The following ARHGAP21 variants were observed in gnomAD, a reference collection of about 807,000 sequenced individuals.
The protein encoded by ARHGAP21 is rho GTPase-activating protein 21.
In ARHGAP21, 38 loss-of-function variants were observed where a neutral mutation model predicts 164.6. That is an observed-to-expected ratio of 0.23 (90% CI 0.18 to 0.30). The LOEUF (loss-of-function observed/expected upper bound fraction) is 0.30. ARHGAP21 is among the 10% of genes least tolerant of loss of function. The probability of loss-of-function intolerance (pLI) is 1.00; values close to 1 mark genes in which losing one functional copy is unlikely to be tolerated. For synonymous variants in ARHGAP21, 766 were observed against 857.9 expected, an observed-to-expected ratio of 0.89 and a Z score of 1.87; for missense variants, 1,822 against 2,370.7, an observed-to-expected ratio of 0.77 and a Z score of 4.81.
At chr10:24,626,028 T>A (rs1565047304) in intron 7 of ARHGAP21, among the ~76,000 whole-genome samples, 1 of 152,150 alleles carries the variant, frequency 6.6e-6, no homozygotes, top group Non-Finnish European at 1.5e-5. Context: ...TTTGCTTTCT[T>A]CCTTATTATA....
chr10:24,684,964 T>C (rs1485740822), intron 2 of ARHGAP21, among the ~76,000 whole-genome samples: 1 of 152,152 alleles, frequency 6.6e-6, no homozygotes, highest in African/African-American at 2.4e-5. Context: ...AAATAATGAC[T>C]GATATTCGGA....
chr10:24,602,277 TATC>T (rs754720553), intron 12 of ARHGAP21, among the ~76,000 whole-genome samples, 174 bp from the exon 13 acceptor site: 1 of 152,326 alleles, frequency 6.6e-6, no homozygotes, highest in African/African-American at 2.4e-5. Context: ...AAATGTGAAT[TATC>T]ATTTTTTAAC....
In ARHGAP21 at chr10:24,595,620, A is replaced by G; in HGVS notation, c.3712+97T>C. On this transcript the variant is annotated intron_variant, in intron 19 of 25. Coordinates refer to ENST00000396432, the MANE Select transcript of ARHGAP21 (RefSeq NM_020824.4). Reference sequence around the variant, plus strand: ...TAAATAAAGCCTCCTGCTTCCTTTGACCAAGACATTTTGTCCTTGTTCAAT... The same window carrying G: ...TAAATAAAGCCTCCTGCTTCCTTTGGCCAAGACATTTTGTCCTTGTTCAAT... 3 of 1,272,658 alleles carry G rather than the reference A, an allele frequency of 2.4e-6. No individual in the cohort carries two copies. The South Asian group carries it at 4.3e-5, about 18-fold the overall frequency. The allele number at this position is 1,272,658 out of a possible 1,614,324, so 78.8% of individuals were successfully genotyped here.
At chr10:24,628,965 TATATATATATATA>T (rs1835508229) in intron 7 of ARHGAP21, 2 of 15,730 alleles carry the variant, frequency 1.3e-4, no homozygotes, top group African/African-American at 3.5e-4. Context: ...TATATATATA[TATATATATATATA>T]TATATTTTTT....
chr10:24,639,228 A>T (rs984445586), intron 4 of ARHGAP21, among the ~76,000 whole-genome samples: 3 of 152,208 alleles, frequency 2.0e-5, no homozygotes, highest in Non-Finnish European at 2.9e-5. Flanking sequence ...AAACTAAAAA[A>T]TAGTAGTAGT....
chr10:24,662,889 C>T (rs1310014809), intron 4 of ARHGAP21, among the ~76,000 whole-genome samples: 4 of 151,956 alleles, frequency 2.6e-5, no homozygotes, highest in Non-Finnish European at 5.9e-5. Context: ...TGTTAGACCC[C>T]TGATGGTAAA....
intron 2 of ARHGAP21, among the ~76,000 whole-genome samples, chr10:24,710,997 G>A (rs1354302606): frequency 1.3e-5 from 2 of 150,442 alleles, no homozygotes; most frequent in Non-Finnish European, 3.0e-5. Context: ...GGGAGGCTGA[G>A]GCAGGTCAAT....
chr10:24,672,690 A>G (rs896217093), intron 2 of ARHGAP21, among the ~76,000 whole-genome samples: 3 of 152,228 alleles, frequency 2.0e-5, no homozygotes, highest in East Asian at 1.9e-4. Context: ...TGCTTCTATT[A>G]TATTTTTTAT....
In ARHGAP21 at chr10:24,619,808, G is replaced by A. The variant is rs781062009; in HGVS notation, c.2087C>T (p.Ser696Leu). ...ATCTGAAGTACCAGCGTTTTCACTC[G>A]ACTGAGGGGCAGGCTTGGCAGAGGC... ...SGASAKPAPQ[S>L]SENAGTSDLE... The change falls in exon 9 of 26, where the codon TCG becomes TTG. Residue 696 changes from serine (S) to leucine (L), a missense_variant. By Grantham distance (145) the Ser-to-Leu change is moderately radical (BLOSUM62 -2). This residue lies in a region of ARHGAP21 where 1,090 missense variants were observed against 1,378.9 expected (regional missense o/e 0.79). Coordinates refer to ENST00000396432, the MANE Select transcript of ARHGAP21 (RefSeq NM_020824.4). The A allele has an allele frequency of 5.0e-6, 8 of 1,613,926 alleles. No homozygotes were observed. Among genetic ancestry groups the A allele is most frequent in the Non-Finnish European group, 6.8e-6 (8 of 1,180,028 alleles).
Position 24,723,856 on chromosome 10 carries a change from T to A in ARHGAP21, c.-675A>T, listed in dbSNP as rs1363104618. On this transcript the variant is annotated 5_prime_UTR_variant, in exon 1 of 26. Transcript: ENST00000396432. ...TCGCCGGGCCGGGCCGGGGCCCAGC[T>A]CCGGCGCCCGCGAACGCCAAGTGAC... Among the ~76,000 whole-genome samples, 2 of 150,358 alleles carry A rather than the reference T, an allele frequency of 1.3e-5. No homozygotes were observed. The highest frequency in any genetic ancestry group is 3.0e-5 in the Non-Finnish European group (2 of 67,546).
chr10:24,612,619 C>A (rs533361030), intron 9 of ARHGAP21, among the ~76,000 whole-genome samples: 109 of 152,256 alleles, frequency 7.2e-4, no homozygotes, highest in Non-Finnish European at 1.3e-3. Flanking sequence ...CTTTGGGAGG[C>A]CAAGGCGGGC....
chr10:24,647,431 CAA>C (rs895317037), intron 4 of ARHGAP21, among the ~76,000 whole-genome samples: 2 of 152,178 alleles, frequency 1.3e-5, no homozygotes, highest in African/African-American at 2.4e-5. Flanking sequence ...ATTTCTAAAT[CAA>C]AAGAGTGTCA....
At chr10:24,586,267 T>C (rs893451013) in intron 25 of ARHGAP21, among the ~76,000 whole-genome samples, 161 bp from the exon 26 acceptor site, 1 of 152,196 alleles carries the variant, frequency 6.6e-6, no homozygotes, top group African/African-American at 2.4e-5. Flanking sequence ...TCTTTTTACC[T>C]TGAACCAAAG....
chr10:24,607,433 T>G (rs543704935), intron 11 of ARHGAP21, 66 bp downstream of exon 11: 4 of 1,302,076 alleles, frequency 3.1e-6, no homozygotes. Context: ...TCTGAACTTA[T>G]GTGTCAAGGT....
chr10:24,662,235 A>G (rs1205981033), intron 4 of ARHGAP21, among the ~76,000 whole-genome samples: 2 of 152,218 alleles, frequency 1.3e-5, no homozygotes, highest in African/African-American at 4.8e-5. Flanking sequence ...TTAACACTAC[A>G]TAAGTCATAC....
intron 2 of ARHGAP21, among the ~76,000 whole-genome samples, chr10:24,695,897 G>A (rs1050912446): frequency 6.6e-6 from 1 of 152,212 alleles, no homozygotes; most frequent in African/African-American, 2.4e-5. Context: ...TGCGGTTCTG[G>A]CTGATGCCAT....
chr10:24,700,202 C>T (rs1249558680), intron 2 of ARHGAP21, among the ~76,000 whole-genome samples: 3 of 152,192 alleles, frequency 2.0e-5, no homozygotes, highest in South Asian at 4.1e-4. Context: ...TGGCAATGCC[C>T]GTTGTGTCCC....
Position 24,596,046 on chromosome 10 carries a change from G to A in ARHGAP21, c.3478-3C>T. 2 of 1,586,352 alleles carry A rather than the reference G, an allele frequency of 1.3e-6. No individual in the cohort carries two copies. The highest frequency in any genetic ancestry group is 2.2e-5 in the East Asian group (1 of 44,576). The stretch of plus-strand genomic sequence containing the variant: ...ATGTCAACTATTAATGGAATATACT[G>A]CAAAACAAGAAATAAACATTTTATT... On this transcript the variant is annotated splice_region_variant and splice_polypyrimidine_tract_variant and intron_variant, in intron 17 of 25. Transcript: ENST00000396432.
intron 4 of ARHGAP21, among the ~76,000 whole-genome samples, chr10:24,658,060 T>TAAAA (rs1554991404): frequency 4.1e-5 from 6 of 147,396 alleles, no homozygotes; most frequent in African/African-American, 1.3e-4. Flanking sequence ...AAAAATAAAT[T>TAAAA]AAAAAAAAAA....
Sources: allele counts gnomAD v4.1 joint callset (sites outside exome capture counted in the v4.1 genomes callset), GRCh38; gene constraint gnomAD v4.1.1; regional missense constraint gnomAD v4.1.1; transcripts MANE v1.5; gene names NCBI Gene and HGNC (gene_info 2026-07-23, HGNC 2026-07-21).